The following CDH2 variants were observed in gnomAD, a reference collection of about 807,000 sequenced individuals.
The protein encoded by CDH2 is cadherin-2.
A neutral mutation model predicts 92.0 loss-of-function variants in CDH2; 17 were observed. That is an observed-to-expected ratio of 0.18 (90% confidence interval 0.13 to 0.28). The LOEUF is 0.28. Among genes scored for constraint, CDH2 ranks in the 10% least tolerant of loss-of-function variants. The probability of loss-of-function intolerance (pLI) is 1.00; values close to 1 mark genes in which losing one functional copy is unlikely to be tolerated. For missense variants in CDH2, 862 were observed against 1,133.1 expected (o/e 0.76, Z 3.44); for synonymous variants, 419 against 415.9 (o/e 1.01, Z -0.09).
intron 2 of CDH2, among the ~76,000 whole-genome samples, chr18:28,095,313 G>T (rs567330518): frequency 6.6e-6 from 1 of 152,186 alleles, no homozygotes; most frequent in African/African-American, 2.4e-5. Flanking sequence ...GGGTGCAATG[G>T]CTCATGCCTA....
intron 2 of CDH2, among the ~76,000 whole-genome samples, chr18:28,136,928 A>G (rs1360110978): frequency 6.6e-6 from 1 of 152,196 alleles, no homozygotes. Flanking sequence ...CTTCCCCAGA[A>G]TAACTCTTAA....
chr18:27,981,445 CAT>C (rs1168820834), intron 14 of CDH2, among the ~76,000 whole-genome samples: 2 of 152,186 alleles, frequency 1.3e-5, no homozygotes, highest in Non-Finnish European at 2.9e-5. Flanking sequence ...CAGCTTTACA[CAT>C]GAGTCAAGTT....
At chr18:28,172,392 T>G (rs1214862186) in intron 1 of CDH2, among the ~76,000 whole-genome samples, 1 of 152,172 alleles carries the variant, frequency 6.6e-6, no homozygotes, top group Non-Finnish European at 1.5e-5. Flanking sequence ...TGTATATACC[T>G]CTTCCTTGGC....
chr18:28,005,066 C>T (rs773262873), intron 6 of CDH2, among the ~76,000 whole-genome samples: 13 of 152,328 alleles, frequency 8.5e-5, no homozygotes, highest in South Asian at 2.1e-4. Context: ...CTGAACACCA[C>T]GCCATCTCAG....
At chr18:27,953,856 ATTAG>A (rs1055796824) in intron 15 of CDH2, among the ~76,000 whole-genome samples, 7 of 152,172 alleles carry the variant, frequency 4.6e-5, no homozygotes, top group African/African-American at 1.2e-4. Flanking sequence ...CTCAATGAAT[ATTAG>A]TTAGTATTTT....
chr18:28,073,591 A>T (rs1304666038), intron 2 of CDH2, among the ~76,000 whole-genome samples: 1 of 152,208 alleles, frequency 6.6e-6, no homozygotes, highest in Non-Finnish European at 1.5e-5. Flanking sequence ...CTCTTAGCTT[A>T]CTAAAGGCAG....
chr18:27,999,308 A>T (rs1036816677), intron 7 of CDH2, among the ~76,000 whole-genome samples: 2 of 152,130 alleles, frequency 1.3e-5, no homozygotes, highest in African/African-American at 4.8e-5. Context: ...ATGCACTATT[A>T]AAAAGCTCTA....
intron 2 of CDH2, among the ~76,000 whole-genome samples, chr18:28,049,963 ATG>A (rs1599062500): frequency 2.0e-5 from 3 of 152,158 alleles, no homozygotes; most frequent in Admixed American, 2.0e-4. Context: ...AATGCTTGAA[ATG>A]TGCCTGCCTT....
At chr18:28,095,398 T>C (rs1262765679) in intron 2 of CDH2, among the ~76,000 whole-genome samples, 3 of 151,412 alleles carry the variant, frequency 2.0e-5, no homozygotes, top group East Asian at 1.9e-4. Context: ...CTGGGCAACA[T>C]AGTGAGATCC....
chr18:28,096,905 T>C (rs993008574), intron 2 of CDH2, among the ~76,000 whole-genome samples: 1 of 152,238 alleles, frequency 6.6e-6, no homozygotes, highest in Non-Finnish European at 1.5e-5. Flanking sequence ...TTGAGCAAGA[T>C]CAAAATTAAA....
chr18:28,159,663 T>G lies in CDH2; in HGVS notation c.61-11879A>C, dbSNP rs1349459189. Among the ~76,000 whole-genome samples, 5 of 151,568 alleles carry G rather than the reference T, an allele frequency of 3.3e-5. No individual in the cohort carries two copies. The South Asian group carries it at 6.2e-4, about 19-fold the overall frequency. On this transcript the variant is annotated intron_variant, in intron 1 of 15. Transcript: ENST00000269141. ...TCAGGACCTGCAATTTTTTTGTTTTTTTTTTTTTTTTGAAAGGGAGTCTCA... is the reference window on the plus strand; with the variant it reads ...TCAGGACCTGCAATTTTTTTGTTTTGTTTTTTTTTTTGAAAGGGAGTCTCA...
Position 27,984,860 on chromosome 18 carries a change from AC to A in CDH2, c.2209+139del, listed in dbSNP as rs1599010082. On this transcript the variant is annotated intron_variant, in intron 13 of 15. Transcript: ENST00000269141. Reference sequence around the variant, plus strand: ...TTTCATTCTAAAGTGGACTTGGTCGACCCATATATGATTGGCGAGGAAATGC... The same window carrying A: ...TTTCATTCTAAAGTGGACTTGGTCGACCATATATGATTGGCGAGGAAATGC... The A allele has an allele frequency of 1.7e-5, 11 of 649,312 alleles. No homozygotes were observed. The East Asian group carries it at 3.0e-4, about 18-fold the overall frequency. The allele number at this position is 649,312 out of a possible 1,614,324, so 40.2% of individuals were successfully genotyped here.
At chr18:28,146,818 T>A (rs1206936944) in intron 2 of CDH2, 1 of 152,102 alleles carries the variant, frequency 6.6e-6, no homozygotes, top group Admixed American at 6.6e-5. Context: ...TAAAACAGCC[T>A]CAGAGATATG....
At chr18:28,105,509 TA>T (rs903901976) in intron 2 of CDH2, among the ~76,000 whole-genome samples, 2 of 152,100 alleles carry the variant, frequency 1.3e-5, no homozygotes, top group African/African-American at 4.8e-5. Context: ...ATTTTCAAAA[TA>T]AGCTTTTCAT....
intron 1 of CDH2, among the ~76,000 whole-genome samples, chr18:28,170,906 T>C (rs2016454263): frequency 6.7e-6 from 1 of 148,562 alleles, no homozygotes; most frequent in Non-Finnish European, 1.5e-5. Flanking sequence ...TTGTCATAAA[T>C]ACATGCATAC....
At chr18:27,944,303 A>T (rs1222891100) in intron 6 of CDH2, among the ~76,000 whole-genome samples, 1 of 152,168 alleles carries the variant, frequency 6.6e-6, no homozygotes, top group African/African-American at 2.4e-5. Flanking sequence ...TTAAACTTGC[A>T]GTTTTTTATT....
chr18:28,034,446 T>C (rs952870996), intron 2 of CDH2, among the ~76,000 whole-genome samples: 3 of 152,072 alleles, frequency 2.0e-5, no homozygotes, highest in Non-Finnish European at 4.4e-5. Flanking sequence ...TTTTTCTGGT[T>C]TTTAAACAGT....
chr18:27,992,172 C>A (rs2143974207), intron 9 of CDH2, among the ~76,000 whole-genome samples: 1 of 152,330 alleles, frequency 6.6e-6, no homozygotes, highest in South Asian at 2.1e-4. Context: ...TGTTCACTAT[C>A]TGCCAATATT....
chr18:28,015,196 T>G (rs575781852), intron 2 of CDH2, among the ~76,000 whole-genome samples: 73 of 152,302 alleles, frequency 4.8e-4, no homozygotes, highest in Admixed American at 1.2e-3. Context: ...CACATCTAAA[T>G]AACAGGCATG....
Sources: allele counts gnomAD v4.1 joint callset (sites outside exome capture counted in the v4.1 genomes callset), GRCh38; gene constraint gnomAD v4.1.1; transcripts MANE v1.5; gene names NCBI Gene and HGNC (gene_info 2026-07-23, HGNC 2026-07-21).